Variants in DDC observed in about 807,000 individuals in gnomAD.
The protein encoded by DDC is dopa decarboxylase.
In DDC, 43 loss-of-function variants were observed where a neutral mutation model predicts 60.0. That is an observed-to-expected ratio of 0.72 (90% CI 0.56 to 0.92). The LOEUF (loss-of-function observed/expected upper bound fraction) is 0.92, where lower values mean the gene tolerates loss of function less well. DDC is among the 40% of genes least tolerant of loss of function. The pLI is 0.00. For missense variants in DDC, 573 were observed against 620.2 expected, an observed-to-expected ratio of 0.92 and a Z score of 0.81; for synonymous variants, 232 against 234.6, an observed-to-expected ratio of 0.99 and a Z score of 0.10.
At chr7:50,553,041 C>T (rs2045060587) in intron 1 of DDC, among the ~76,000 whole-genome samples, 1 of 152,228 alleles carries the variant, frequency 6.6e-6, no homozygotes, top group African/African-American at 2.4e-5. Context: ...GACTTCTCTG[C>T]CACAGCCACT....
chr7:50,510,245 G>T (rs1244856354), intron 6 of DDC, among the ~76,000 whole-genome samples: 1 of 152,062 alleles, frequency 6.6e-6, no homozygotes, highest in African/African-American at 2.4e-5. Context: ...AAAGTGCTGA[G>T]ATTACAGGTG....
chr7:50,509,048 G>T (rs774885775), intron 6 of DDC, among the ~76,000 whole-genome samples: 4 of 151,924 alleles, frequency 2.6e-5, no homozygotes, highest in African/African-American at 9.7e-5. Context: ...GTTTATTTGC[G>T]CCCTCTACCC....
chr7:50,548,743 T>C (rs999538976), intron 1 of DDC, among the ~76,000 whole-genome samples: 1 of 152,212 alleles, frequency 6.6e-6, no homozygotes, highest in Non-Finnish European at 1.5e-5. Flanking sequence ...AGATAATCCA[T>C]GAAGGTGGCT....
intron 6 of DDC, among the ~76,000 whole-genome samples, chr7:50,506,467 C>G (rs140050459): frequency 6.6e-6 from 1 of 151,936 alleles, no homozygotes; most frequent in Non-Finnish European, 1.5e-5. Flanking sequence ...CAAACCTGCA[C>G]GTTGTGCACA....
chr7:50,509,861 G>GAA (rs555224345), intron 6 of DDC, among the ~76,000 whole-genome samples: 2 of 151,444 alleles, frequency 1.3e-5, no homozygotes, highest in African/African-American at 4.8e-5. Context: ...AAGTCTTGGG[G>GAA]AAAAAAAACC....
chr7:50,467,865 C>G (rs1338357045), intron 12 of DDC, among the ~76,000 whole-genome samples: 1 of 152,224 alleles, frequency 6.6e-6, no homozygotes, highest in Non-Finnish European at 1.5e-5. Context: ...CTGTGGCTGC[C>G]ACAGCTGTTG....
intron 14 of DDC, among the ~76,000 whole-genome samples, chr7:50,459,870 G>T (rs1398744392): frequency 1.0e-4 from 15 of 143,996 alleles, no homozygotes; most frequent in African/African-American, 4.0e-4. Context: ...CGCCCCGTCC[G>T]GGAGGGAGGT....
At chr7:50,474,757 A>G (rs796748429) in intron 11 of DDC, among the ~76,000 whole-genome samples, 20 of 152,366 alleles carry the variant, frequency 1.3e-4, no homozygotes, top group South Asian at 4.1e-4. Flanking sequence ...AGTTTTTAGC[A>G]AAGCCTATGT....
At chr7:50,514,701 G>A (rs911851266) in intron 6 of DDC, among the ~76,000 whole-genome samples, 6 of 152,020 alleles carry the variant, frequency 3.9e-5, no homozygotes, top group African/African-American at 1.4e-4. Flanking sequence ...GAAAGTCTCA[G>A]CAATAGAATT....
At chr7:50,513,434 C>T (rs2043639767) in intron 6 of DDC, among the ~76,000 whole-genome samples, 1 of 152,174 alleles carries the variant, frequency 6.6e-6, no homozygotes, top group African/African-American at 2.4e-5. Flanking sequence ...AAGGAAATCT[C>T]CAGCTGAACA....
intron 1 of DDC, among the ~76,000 whole-genome samples, chr7:50,557,581 A>C (rs2045225310): frequency 6.6e-6 from 1 of 152,130 alleles, no homozygotes; most frequent in African/African-American, 2.4e-5. Context: ...AATTTCCTTA[A>C]CATAACGCTC....
chr7:50,515,568 A>G (rs1173416036), intron 6 of DDC, among the ~76,000 whole-genome samples: 4 of 152,368 alleles, frequency 2.6e-5, no homozygotes, highest in South Asian at 4.1e-4. Flanking sequence ...TGATGAATGC[A>G]AGGGTACCTC....
Position 50,463,435 on chromosome 7 carries a change from G to C in DDC, c.1243-4C>G. ...CTTCATTCACTTTGTTGGAACCCTG[G>C]AGGGATTGAAAGAGAGGAACTGTGC... On this transcript the variant is annotated splice_region_variant and splice_polypyrimidine_tract_variant and intron_variant, in intron 13 of 14. Coordinates refer to ENST00000444124, the MANE Select transcript of DDC (RefSeq NM_001082971.2). 1 of 1,613,826 alleles carries C rather than the reference G, an allele frequency of 6.2e-7. No homozygotes were observed. Among genetic ancestry groups the C allele is most frequent in the Non-Finnish European group, 8.5e-7 (1 of 1,179,706 alleles).
chr7:50,487,063 AT>A lies in DDC; in HGVS notation c.945-7201del, dbSNP rs548772117. Among the ~76,000 whole-genome samples the A allele has an allele frequency of 1.2e-3, 177 of 152,306 alleles. 2 individuals carry two copies. The highest frequency in any genetic ancestry group is 1.1e-3 in the Non-Finnish European group (75 of 68,014). On this transcript the variant is annotated intron_variant, in intron 9 of 14. Transcript: ENST00000444124. ...ATTTTTGAAAACAGGCAAATGAAAAATTTTAAATATATAAGATCTGCCTCTG... is the reference window on the plus strand; with the variant it reads ...ATTTTTGAAAACAGGCAAATGAAAAATTTAAATATATAAGATCTGCCTCTG...
At chr7:50,534,294 A>G (rs1332625920) in intron 4 of DDC, among the ~76,000 whole-genome samples, 1 of 152,072 alleles carries the variant, frequency 6.6e-6, no homozygotes, top group Non-Finnish European at 1.5e-5. Flanking sequence ...CCTTTTCCCT[A>G]TAGTTTCTCC....
At chr7:50,492,597 C>A in intron 9 of DDC, 2 of 861,584 alleles carry the variant, frequency 2.3e-6, no homozygotes, top group Non-Finnish European at 3.0e-6. Context: ...GGAACTAACC[C>A]CATCACCCTT....
chr7:50,530,514 G>C (rs2044170283), intron 4 of DDC, among the ~76,000 whole-genome samples: 1 of 152,202 alleles, frequency 6.6e-6, no homozygotes, highest in Non-Finnish European at 1.5e-5. Flanking sequence ...TTCAGGGCCT[G>C]CTATGTTATC....
chr7:50,532,538 C>T (rs2044250366), intron 4 of DDC, among the ~76,000 whole-genome samples: 1 of 152,146 alleles, frequency 6.6e-6, no homozygotes. Context: ...TGCTGCTATG[C>T]ATGTTCTACT....
At chr7:50,485,799 C>A (rs1361028148) in intron 9 of DDC, among the ~76,000 whole-genome samples, 1 of 152,138 alleles carries the variant, frequency 6.6e-6, no homozygotes, top group Non-Finnish European at 1.5e-5. Context: ...AGATTCTCAG[C>A]CCTCACTCTC....
Sources: gnomAD v4.1 joint callset for allele counts (sites outside exome capture counted in the v4.1 genomes callset) on GRCh38, gnomAD v4.1.1 for gene constraint, MANE v1.5 for transcripts, NCBI Gene and HGNC (gene_info 2026-07-23, HGNC 2026-07-21) for gene names.